Variants in PNKD observed in about 807,000 individuals in gnomAD.
PNKD encodes PNKD metallo-beta-lactamase domain containing.
PNKD carries 36 observed loss-of-function variants against 45.3 expected under a neutral mutation model. The ratio of observed to expected loss-of-function variants is 0.80; its 90% CI spans 0.61 to 1.05. PNKD has a LOEUF of 1.05. Ranked by LOEUF, PNKD falls within the 50% of genes least tolerant of loss-of-function variation. The probability of loss-of-function intolerance (pLI) is 0.00; values close to 1 mark genes in which losing one functional copy is unlikely to be tolerated. For missense variants in PNKD, 511 were observed against 506.6 expected (o/e 1.01, Z -0.08); for synonymous variants, 197 against 210.1 (o/e 0.94, Z 0.54).
rs537743765 is a variant in PNKD at position 218,343,940 on chromosome 2, C to T, written c.868+354C>T. On this transcript the variant is annotated intron_variant, in intron 8 of 9. Transcript: ENST00000273077. Reference sequence around the variant, plus strand: ...GGGAGAAGTCAGTAAATCCACTCTGCATGTAACCATTGCCTTGTGGTGCAT... The same window carrying T: ...GGGAGAAGTCAGTAAATCCACTCTGTATGTAACCATTGCCTTGTGGTGCAT... Among the ~76,000 whole-genome samples the T allele has an allele frequency of 8.5e-5, 13 of 152,372 alleles. No individual in the cohort carries two copies. The South Asian group carries it at 2.7e-3, about 32-fold the overall frequency.
At chr2:218,294,364 C>T (rs1323583895) in intron 2 of PNKD, among the ~76,000 whole-genome samples, 2 of 152,192 alleles carry the variant, frequency 1.3e-5, no homozygotes, top group Non-Finnish European at 2.9e-5. Flanking sequence ...GCTCACAGTT[C>T]TGGAGGGTGG....
chr2:218,293,659 C>T (rs1288945448), intron 2 of PNKD, among the ~76,000 whole-genome samples: 1 of 147,772 alleles, frequency 6.8e-6, no homozygotes, highest in Non-Finnish European at 1.5e-5. Context: ...CATCTCGGCT[C>T]ACTGCATCCT....
intron 2 of PNKD, chr2:218,275,552 T>G (rs1258795309): frequency 1.9e-6 from 3 of 1,614,064 alleles, no homozygotes; most frequent in Non-Finnish European, 2.5e-6. Context: ...AGGGCGCCAG[T>G]GATGTAGTCC....
intron 3 of PNKD, 35 bp from the exon 4 acceptor site, chr2:218,339,994 C>T: frequency 1.3e-6 from 2 of 1,529,156 alleles, no homozygotes; most frequent in Non-Finnish European, 9.1e-7. Flanking sequence ...GGCTCCCTGC[C>T]TGTTACCCCG....
chr2:218,272,739 G>A, intron 2 of PNKD: 1 of 1,614,168 alleles, frequency 6.2e-7, no homozygotes, highest in African/African-American at 1.3e-5. Flanking sequence ...GTCCCCTGAT[G>A]TTGGGTCTGG....
chr2:218,275,981 C>T (rs763007647), intron 2 of PNKD: 104 of 1,588,196 alleles, frequency 6.5e-5, no homozygotes, highest in Non-Finnish European at 1.7e-6. Context: ...AGATTCCTCC[C>T]CTCATCCCCT....
intron 2 of PNKD, chr2:218,323,354 C>T (rs1694049184): frequency 6.3e-7 from 1 of 1,581,140 alleles, no homozygotes; most frequent in Non-Finnish European, 8.6e-7. Context: ...TACTTGTGAG[C>T]CCCCGCGGCT....
At chr2:218,283,225 A>G (rs1692212943) in intron 2 of PNKD, among the ~76,000 whole-genome samples, 1 of 152,262 alleles carries the variant, frequency 6.6e-6, no homozygotes, top group African/African-American at 2.4e-5. Flanking sequence ...CCTCAGGGCC[A>G]TAAGCCCCAA....
chr2:218,329,952 C>T (rs891591686), intron 2 of PNKD, among the ~76,000 whole-genome samples: 1 of 152,180 alleles, frequency 6.6e-6, no homozygotes, highest in Non-Finnish European at 1.5e-5. Context: ...AGTGCCCTGT[C>T]GTTGGTGAGA....
chr2:218,324,774 A>C (rs1694096136), intron 2 of PNKD, among the ~76,000 whole-genome samples: 1 of 151,598 alleles, frequency 6.6e-6, no homozygotes, highest in Non-Finnish European at 1.5e-5. Context: ...ATCTCTACTA[A>C]AAATACAAAA....
intron 2 of PNKD, among the ~76,000 whole-genome samples, chr2:218,281,779 G>A (rs530100383): frequency 1.3e-5 from 2 of 152,280 alleles, no homozygotes; most frequent in South Asian, 4.1e-4. Flanking sequence ...GGCAAAAAGT[G>A]GAGGGTAACA....
intron 2 of PNKD, among the ~76,000 whole-genome samples, chr2:218,335,609 G>GAAATGA (rs3055276): frequency 0.99 from 150,464 of 151,578 alleles, 74,689 homozygotes; most frequent in East Asian, 1. Context: ...TATTGTTGAA[G>GAAATGA]AAATGTAAGT....
At chr2:218,315,073 C>CCTTCCTTCCTTCCTTA (rs1693761348) in intron 2 of PNKD, among the ~76,000 whole-genome samples, 1 of 69,032 alleles carries the variant, frequency 1.4e-5, no homozygotes, top group African/African-American at 5.2e-5. Context: ...TTCCTTCCTT[C>CCTTCCTTCCTTCCTTA]CTTTCTTTCT....
rs1694738568 is a variant in PNKD at position 218,343,395 on chromosome 2, C to T, written c.782-105C>T. Reference sequence around the variant, plus strand: ...CTGGAAAGTGCACAGTCAGGGCTGACGGCCAGCCAGAGCATTACAAGCTGG... The same window carrying T: ...CTGGAAAGTGCACAGTCAGGGCTGATGGCCAGCCAGAGCATTACAAGCTGG... On this transcript the variant is annotated intron_variant, in intron 7 of 9. Transcript: ENST00000273077. 8 of 911,012 alleles carry T rather than the reference C, an allele frequency of 8.8e-6. 1 individual carries two copies. The highest frequency in any genetic ancestry group is 2.3e-4 in the Middle Eastern group (1 of 4,408). 56.4% of individuals were successfully genotyped at this position (911,012 alleles called of 1,614,324 possible).
In PNKD at chr2:218,314,222, C is replaced by CTTTTTTTTTTT. The variant is rs386392656; in HGVS notation, c.237-25550_237-25540dup. On this transcript the variant is annotated intron_variant, in intron 2 of 9. Transcript: ENST00000273077. ...ACAGGCGTGAGCCACCGCGCCCTGG[C>CTTTTTTTTTTT]TTTTTTTTTTTTTTTTTTTTTGAGA... Among the ~76,000 whole-genome samples, 19 of 67,720 alleles carry CTTTTTTTTTTT rather than the reference C, an allele frequency of 2.8e-4. 6 individuals carry two copies. Among genetic ancestry groups the CTTTTTTTTTTT allele is most frequent in the African/African-American group, 1.2e-3 (19 of 15,338 alleles). The allele number at this position is 67,720 out of a possible 152,430, so 44.4% of individuals were successfully genotyped here.
At chr2:218,303,523 C>T (rs149290774) in intron 2 of PNKD, among the ~76,000 whole-genome samples, 241 of 151,430 alleles carry the variant, frequency 1.6e-3, no homozygotes, top group African/African-American at 5.1e-3. Flanking sequence ...TGGCACCAGC[C>T]CCCACCCTGA....
chr2:218,289,664 A>C (rs1692808062), intron 2 of PNKD, among the ~76,000 whole-genome samples: 1 of 146,106 alleles, frequency 6.8e-6, no homozygotes, highest in African/African-American at 2.5e-5. Context: ...ATCAAAGTCC[A>C]CTCTGCCAGT....
At chr2:218,301,779 T>C (rs1693280433) in intron 2 of PNKD, among the ~76,000 whole-genome samples, 2 of 152,118 alleles carry the variant, frequency 1.3e-5, no homozygotes, top group South Asian at 4.2e-4. Context: ...TGAGCTACCA[T>C]CTGTCTCAAA....
intron 2 of PNKD, among the ~76,000 whole-genome samples, chr2:218,290,839 C>G (rs1276176481): frequency 6.6e-6 from 1 of 152,216 alleles, no homozygotes; most frequent in Non-Finnish European, 1.5e-5. Context: ...CAAGGTCATC[C>G]CTTCCACTGT....
Sources: gnomAD v4.1 joint callset for allele counts (sites outside exome capture counted in the v4.1 genomes callset) on GRCh38, gnomAD v4.1.1 for gene constraint, MANE v1.5 for transcripts, NCBI Gene and HGNC (gene_info 2026-07-23, HGNC 2026-07-21) for gene names.